DSCAML1: variants seen among roughly 807,000 people sequenced by gnomAD.
DSCAML1 encodes the protein DS cell adhesion molecule like 1, also known as cell adhesion molecule DSCAML1.
DSCAML1 carries 38 observed loss-of-function variants against 200.5 expected under a neutral mutation model. The ratio of observed to expected loss-of-function variants is 0.19; its 90% CI spans 0.15 to 0.25. DSCAML1 has a LOEUF of 0.25. DSCAML1 is among the 10% of genes least tolerant of loss of function. The pLI, the probability that DSCAML1 is intolerant of heterozygous loss-of-function variation, is 1.00. For synonymous variants in DSCAML1, 1,215 were observed against 1,165.0 expected, an observed-to-expected ratio of 1.04 and a Z score of -0.87; for missense variants, 2,223 against 2,858.8, an observed-to-expected ratio of 0.78 and a Z score of 5.07.
chr11:117,617,736 G>A (rs2051840828), intron 3 of DSCAML1, among the ~76,000 whole-genome samples: 1 of 149,408 alleles, frequency 6.7e-6, no homozygotes. Context: ...TCACTGCAGA[G>A]CTCCCTGAAG....
intron 11 of DSCAML1, among the ~76,000 whole-genome samples, chr11:117,495,609 C>T (rs1424638568): frequency 1.3e-5 from 2 of 152,136 alleles, no homozygotes; most frequent in African/African-American, 4.8e-5. Context: ...GTCTAGCACA[C>T]AGCTCTAGGG....
In DSCAML1 at chr11:117,478,012, G is replaced by A. The variant is rs567602254; in HGVS notation, c.2785+2431C>T. On this transcript the variant is annotated intron_variant, in intron 14 of 32. Transcript: ENST00000651296. The stretch of plus-strand genomic sequence containing the variant: ...CCCTCCACCTTCCCCACCCATCCTG[G>A]CATTCCTAGCTGGGGTGGTCTACCG... Among the ~76,000 whole-genome samples the A allele has an allele frequency of 3.3e-5, 5 of 152,330 alleles. No homozygotes were observed. The East Asian group carries it at 9.6e-4, about 29-fold the overall frequency.
chr11:117,665,023 G>T (rs1175713283), intron 3 of DSCAML1, among the ~76,000 whole-genome samples: 2 of 150,582 alleles, frequency 1.3e-5, no homozygotes, highest in Non-Finnish European at 2.9e-5. Context: ...TGCCATGCTT[G>T]TTGGTAGCCA....
chr11:117,766,090 G>A (rs2054892817), intron 3 of DSCAML1, among the ~76,000 whole-genome samples: 2 of 152,196 alleles, frequency 1.3e-5, no homozygotes, highest in Non-Finnish European at 2.9e-5. Context: ...AACATTGCCT[G>A]GGTGCCTACT....
intron 3 of DSCAML1, among the ~76,000 whole-genome samples, chr11:117,682,125 C>T (rs920628232): frequency 6.6e-6 from 1 of 152,164 alleles, no homozygotes; most frequent in African/African-American, 2.4e-5. Flanking sequence ...CAGCGGTCCT[C>T]CTCAGCACCC....
intron 11 of DSCAML1, among the ~76,000 whole-genome samples, chr11:117,491,675 G>A (rs964560626): frequency 1.3e-5 from 2 of 152,344 alleles, no homozygotes; most frequent in South Asian, 2.1e-4. Context: ...TCGGGAGGCT[G>A]AGGTGGGAGG....
At chr11:117,619,249 C>A (rs1483824162) in intron 3 of DSCAML1, among the ~76,000 whole-genome samples, 1 of 152,230 alleles carries the variant, frequency 6.6e-6, no homozygotes, top group African/African-American at 2.4e-5. Context: ...TAGGAAACAG[C>A]CTTGCTACTG....
At chr11:117,785,364 G>A (rs2055331979) in intron 1 of DSCAML1, among the ~76,000 whole-genome samples, 1 of 152,170 alleles carries the variant, frequency 6.6e-6, no homozygotes, top group Admixed American at 6.6e-5. Context: ...AGCTGAGCTG[G>A]AAGACCTGGA....
intron 3 of DSCAML1, among the ~76,000 whole-genome samples, chr11:117,736,843 G>C (rs1331109535): frequency 6.6e-6 from 1 of 152,224 alleles, no homozygotes; most frequent in African/African-American, 2.4e-5. Flanking sequence ...GTGAATTGTA[G>C]GTCCCTCCGT....
At chr11:117,675,495 T>TTTA (rs2053194792) in intron 3 of DSCAML1, among the ~76,000 whole-genome samples, 1 of 147,526 alleles carries the variant, frequency 6.8e-6, no homozygotes. Flanking sequence ...TTTTTTTTTT[T>TTTA]TTTTAGAGAC....
intron 6 of DSCAML1, among the ~76,000 whole-genome samples, chr11:117,519,154 ATGC>A (rs1449003607): frequency 6.6e-6 from 1 of 152,242 alleles, no homozygotes. Context: ...TTCTTGATAA[ATGC>A]TGCTTCCTCT....
In DSCAML1 at chr11:117,458,607, C is replaced by T. The variant is rs889244783; in HGVS notation, c.3568+147G>A. 3.7e-6 allele frequency: 4 copies of T among 1,080,046 alleles called. No homozygotes were observed. In the Admixed American group the frequency reaches 9.8e-5, roughly 26 times the overall value. The allele number at this position is 1,080,046 out of a possible 1,614,324, so 66.9% of individuals were successfully genotyped here. A position where few individuals can be genotyped will look rare whatever the true frequency, so the allele number is the denominator to read the frequency against. On this transcript the variant is annotated intron_variant, in intron 19 of 32. Transcript: ENST00000651296. ...TCACGCATGAATCCTAGAGCATTTC[C>T]CTCAAGAGTCCTCAAGGCTACTCTC...
chr11:117,727,175 C>G (rs1230468475), intron 3 of DSCAML1, among the ~76,000 whole-genome samples: 8 of 152,176 alleles, frequency 5.3e-5, no homozygotes, highest in Admixed American at 5.2e-4. Context: ...AGGTCACCAG[C>G]TGATAAGTAG....
chr11:117,502,332 A>C (rs1336865257), intron 11 of DSCAML1, among the ~76,000 whole-genome samples: 1 of 152,228 alleles, frequency 6.6e-6, no homozygotes, highest in Non-Finnish European at 1.5e-5. Flanking sequence ...AAAGGCAAAG[A>C]ACAACAACAG....
At chr11:117,571,728 A>G (rs1376097044) in intron 3 of DSCAML1, among the ~76,000 whole-genome samples, 4 of 152,178 alleles carry the variant, frequency 2.6e-5, no homozygotes, top group Non-Finnish European at 5.9e-5. Flanking sequence ...TCCATCTTGA[A>G]TAGGGGCTGG....
intron 1 of DSCAML1, among the ~76,000 whole-genome samples, chr11:117,782,229 G>T (rs1255613931): frequency 6.6e-6 from 1 of 152,228 alleles, no homozygotes; most frequent in African/African-American, 2.4e-5. Context: ...CCTCTGGGGA[G>T]AATATACCAG....
Position 117,503,835 on chromosome 11 carries a change from C to T in DSCAML1, c.2359+10G>A. The T allele has an allele frequency of 6.2e-7, 1 of 1,612,290 alleles. No homozygotes were observed. The highest frequency in any genetic ancestry group is 8.5e-7 in the Non-Finnish European group (1 of 1,179,160). ...GGGGGTGCTAGGGGGCGTGTGGGGA[C>T]AGGACTCACTCTTGACTGTGAGGAA... On this transcript the variant is annotated intron_variant, in intron 11 of 32. Coordinates refer to ENST00000651296, the MANE Select transcript of DSCAML1 (RefSeq NM_020693.4). This position sits in a 1 kb window ranked among gnomAD's most constrained non-coding sequence, Gnocchi z 5.2.
chr11:117,714,582 C>T (rs1418036090), intron 3 of DSCAML1, among the ~76,000 whole-genome samples: 5 of 151,960 alleles, frequency 3.3e-5, no homozygotes, highest in African/African-American at 7.3e-5. Flanking sequence ...TTTGGGAGGC[C>T]GAGGCAGGTG....
intron 3 of DSCAML1, among the ~76,000 whole-genome samples, chr11:117,758,408 G>T (rs1186961789): frequency 6.6e-6 from 1 of 150,818 alleles, no homozygotes; most frequent in African/African-American, 2.4e-5. Context: ...GTTTTGTTTT[G>T]TTTTGTTTTT....
Sources: allele counts gnomAD v4.1 joint callset (sites outside exome capture counted in the v4.1 genomes callset), GRCh38; gene constraint gnomAD v4.1.1; non-coding constraint Gnocchi (gnomAD v3.1); transcripts MANE v1.5; gene names NCBI Gene and HGNC (gene_info 2026-07-23, HGNC 2026-07-21).